The following PICALM variants were observed in gnomAD, a reference collection of about 807,000 sequenced individuals.
The protein encoded by PICALM is phosphatidylinositol binding clathrin assembly protein.
A neutral mutation model predicts 80.5 loss-of-function variants in PICALM; 40 were observed. That is an observed-to-expected ratio of 0.50 (90% confidence interval 0.39 to 0.65). The LOEUF is 0.65. Among genes scored for constraint, PICALM ranks in the 30% least tolerant of loss-of-function variants. PICALM has a pLI of 0.00. For synonymous variants in PICALM, 288 were observed against 260.3 expected, an observed-to-expected ratio of 1.11 and a Z score of -1.02; for missense variants, 676 against 778.9, an observed-to-expected ratio of 0.87 and a Z score of 1.57.
chr11:85,960,693 A>C, intron 19 of PICALM: 1 of 1,311,018 alleles, frequency 7.6e-7, no homozygotes, highest in Non-Finnish European at 1.0e-6. Flanking sequence ...ATTTATAAGA[A>C]ATCCTCCAAA....
intron 17 of PICALM, among the ~76,000 whole-genome samples, chr11:85,977,237 A>G (rs1036945240): frequency 2.0e-5 from 3 of 152,224 alleles, no homozygotes; most frequent in African/African-American, 4.8e-5. Context: ...TCTATGAGCC[A>G]TAGTTCTTAT....
chr11:86,033,918 C>T (rs1180489233), intron 1 of PICALM, among the ~76,000 whole-genome samples: 1 of 152,170 alleles, frequency 6.6e-6, no homozygotes, highest in East Asian at 1.9e-4. Context: ...ACTATCTGTA[C>T]AACCTGCTAT....
chr11:86,064,518 G>T (rs2096414952), intron 1 of PICALM, among the ~76,000 whole-genome samples: 1 of 151,542 alleles, frequency 6.6e-6, no homozygotes, highest in African/African-American at 2.4e-5. Context: ...AAAATTAGCT[G>T]TGCGTGGTAG....
At chr11:86,035,699 T>A (rs1204462482) in intron 1 of PICALM, among the ~76,000 whole-genome samples, 1 of 151,986 alleles carries the variant, frequency 6.6e-6, no homozygotes, top group African/African-American at 2.4e-5. Flanking sequence ...TCCCAGCACT[T>A]TCGGAGGCCG....
At chr11:86,006,372 G>C (rs896669907) in intron 8 of PICALM, among the ~76,000 whole-genome samples, 1 of 152,158 alleles carries the variant, frequency 6.6e-6, no homozygotes, top group African/African-American at 2.4e-5. Flanking sequence ...TGGAAGCTGG[G>C]TGTGGTGGTT....
chr11:86,010,988 CA>C, intron 7 of PICALM, 41 bp downstream of exon 7: 1 of 849,532 alleles, frequency 1.2e-6, no homozygotes, highest in South Asian at 1.5e-5. Context: ...TACTTACAGA[CA>C]AAAAGGCAAG....
At chr11:85,987,002 T>C (rs1325880090) in intron 13 of PICALM, among the ~76,000 whole-genome samples, 5 of 152,222 alleles carry the variant, frequency 3.3e-5, no homozygotes, top group African/African-American at 1.2e-4. Flanking sequence ...AATTGAAAAG[T>C]ACAAGATCAA....
intron 1 of PICALM, among the ~76,000 whole-genome samples, chr11:86,034,444 G>C (rs1038734250): frequency 6.6e-6 from 1 of 152,052 alleles, no homozygotes; most frequent in South Asian, 2.1e-4. Context: ...AACACTTATC[G>C]GGGACTCTCA....
intron 1 of PICALM, among the ~76,000 whole-genome samples, chr11:86,054,513 T>A (rs1212912557): frequency 1.3e-5 from 2 of 152,130 alleles, no homozygotes; most frequent in Admixed American, 6.6e-5. Context: ...AACTATTCAG[T>A]TTCCCACAAA....
intron 1 of PICALM, among the ~76,000 whole-genome samples, chr11:86,066,301 G>A (rs1377899556): frequency 6.6e-6 from 1 of 152,090 alleles, no homozygotes; most frequent in African/African-American, 2.4e-5. Flanking sequence ...AACAATGTAG[G>A]GAAAATAGTA....
chr11:86,047,909 G>C (rs914637991), intron 1 of PICALM, among the ~76,000 whole-genome samples: 2 of 152,046 alleles, frequency 1.3e-5, no homozygotes, highest in Non-Finnish European at 2.9e-5. Context: ...AGACCAGCCT[G>C]GCCAACATGG....
chr11:86,013,999 T>A (rs1386288786), intron 5 of PICALM, among the ~76,000 whole-genome samples: 5 of 152,186 alleles, frequency 3.3e-5, no homozygotes, highest in African/African-American at 1.2e-4. Flanking sequence ...TTCAACCACT[T>A]AAAAAACATA....
At chr11:86,008,110 A>C (rs796721381) in intron 7 of PICALM, among the ~76,000 whole-genome samples, 10 of 152,340 alleles carry the variant, frequency 6.6e-5, no homozygotes, top group African/African-American at 2.2e-4. Context: ...GTGATATCTA[A>C]TCAGGATATA....
At chr11:85,974,902 C>T in intron 18 of PICALM, 90 bp from the exon 19 acceptor site, 1 of 883,720 alleles carries the variant, frequency 1.1e-6, no homozygotes, top group Non-Finnish European at 1.9e-6. Flanking sequence ...ATGACAGGTC[C>T]TAGTACCTTT....
intron 17 of PICALM, among the ~76,000 whole-genome samples, chr11:85,978,925 C>G (rs1449567187): frequency 6.6e-6 from 1 of 152,120 alleles, no homozygotes; most frequent in Non-Finnish European, 1.5e-5. Context: ...TGTCATAATT[C>G]ACACGAGTCC....
chr11:86,063,251 G>A (rs895409391), intron 1 of PICALM, among the ~76,000 whole-genome samples: 5 of 152,028 alleles, frequency 3.3e-5, no homozygotes, highest in African/African-American at 9.7e-5. Context: ...CTCACAAAGC[G>A]TATGAAAGAA....
At chr11:86,029,006 T>G (rs1027384164) in intron 2 of PICALM, among the ~76,000 whole-genome samples, 1 of 151,944 alleles carries the variant, frequency 6.6e-6, no homozygotes, top group African/African-American at 2.4e-5. Flanking sequence ...CTTGGCTAAT[T>G]TTTGTATTTT....
At chr11:85,961,387 T>C (rs2093683791) in intron 19 of PICALM, among the ~76,000 whole-genome samples, 1 of 152,218 alleles carries the variant, frequency 6.6e-6, no homozygotes, top group South Asian at 2.1e-4. Flanking sequence ...ACTGTAACTG[T>C]CCACATACTG....
intron 1 of PICALM, among the ~76,000 whole-genome samples, chr11:86,045,875 G>A (rs2096064519): frequency 6.6e-6 from 1 of 151,668 alleles, no homozygotes; most frequent in African/African-American, 2.4e-5. Context: ...ACTTTTTTTT[G>A]CTATGATGCC....
Sources: gnomAD v4.1 joint callset for allele counts (sites outside exome capture counted in the v4.1 genomes callset) on GRCh38, gnomAD v4.1.1 for gene constraint, MANE v1.5 for transcripts, NCBI Gene and HGNC (gene_info 2026-07-23, HGNC 2026-07-21) for gene names.